Variants in VPS13B observed in about 807,000 individuals in gnomAD.
VPS13B encodes intermembrane lipid transfer protein VPS13B.
A neutral mutation model predicts 426.4 loss-of-function variants in VPS13B; 285 were observed. That is an observed-to-expected ratio of 0.67 (90% confidence interval 0.61 to 0.74). The LOEUF (loss-of-function observed/expected upper bound fraction) is 0.74. Ranked by LOEUF, VPS13B falls within the 30% of genes least tolerant of loss-of-function variation. The pLI is 0.00. For synonymous variants in VPS13B, 1,676 were observed against 1,676.4 expected (o/e 1.00, Z 0.01); for missense variants, 4,537 against 4,782.6 (o/e 0.95, Z 1.51).
chr8:99,457,177 G>A (rs776486252), intron 23 of VPS13B, among the ~76,000 whole-genome samples: 12 of 151,680 alleles, frequency 7.9e-5, no homozygotes, highest in Non-Finnish European at 1.5e-4. Flanking sequence ...GATCACAGGC[G>A]CCCACCAACA....
chr8:99,224,318 A>T (rs1176550162), intron 17 of VPS13B, among the ~76,000 whole-genome samples: 1 of 152,156 alleles, frequency 6.6e-6, no homozygotes, highest in Non-Finnish European at 1.5e-5. Flanking sequence ...TCATTATATG[A>T]ACCTTTTACT....
chr8:99,174,595 C>A (rs1812529375), intron 16 of VPS13B, among the ~76,000 whole-genome samples: 1 of 151,926 alleles, frequency 6.6e-6, no homozygotes, highest in South Asian at 2.1e-4. Context: ...CTATTCAAGT[C>A]CTTTGCTCAT....
At chr8:99,801,190 C>A (rs958898420) in intron 43 of VPS13B, among the ~76,000 whole-genome samples, 1 of 152,128 alleles carries the variant, frequency 6.6e-6, no homozygotes, top group Non-Finnish European at 1.5e-5. Flanking sequence ...TCCTATATCT[C>A]TCTCCCACCC....
intron 54 of VPS13B, among the ~76,000 whole-genome samples, chr8:99,836,139 T>C (rs1815379773): frequency 6.6e-6 from 1 of 152,156 alleles, no homozygotes. Flanking sequence ...ATTTTAAAAT[T>C]AGTAAAACCC....
At chr8:99,862,575 G>A (rs1816893908) in intron 58 of VPS13B, among the ~76,000 whole-genome samples, 1 of 152,174 alleles carries the variant, frequency 6.6e-6, no homozygotes, top group African/African-American at 2.4e-5. Flanking sequence ...AAGTTTGCAG[G>A]GCAGGATTTT....
rs1029094184 is a variant in VPS13B, at chr8:99,380,691, C to G, written c.2825-3517C>G. Among the ~76,000 whole-genome samples, 6 of 149,834 alleles carry G rather than the reference C, an allele frequency of 4.0e-5. No individual in the cohort carries two copies. In the East Asian group the frequency reaches 8.0e-4, roughly 20 times the overall value. ...TTTCTCTTACTTTTTCTCCTTCATC[C>G]TTTTATCTGTCTTTTTATATATCAG... On this transcript the variant is annotated intron_variant, in intron 19 of 61. Transcript: ENST00000357162.
chr8:99,757,418 A>C (rs780757352), intron 39 of VPS13B, among the ~76,000 whole-genome samples: 7 of 151,534 alleles, frequency 4.6e-5, no homozygotes, highest in Non-Finnish European at 1.0e-4. Flanking sequence ...CTACCTACCA[A>C]CTCTTTATTA....
At chr8:99,175,316 G>A (rs1244672884) in intron 16 of VPS13B, among the ~76,000 whole-genome samples, 1 of 152,066 alleles carries the variant, frequency 6.6e-6, no homozygotes, top group Non-Finnish European at 1.5e-5. Context: ...AACTATATTG[G>A]AAAATTTTTT....
chr8:99,709,248 A>G (rs1319056221), intron 36 of VPS13B, among the ~76,000 whole-genome samples: 2 of 152,178 alleles, frequency 1.3e-5, no homozygotes, highest in Admixed American at 6.5e-5. Flanking sequence ...TAGCAATGTC[A>G]TCATTGACTA....
At chr8:99,085,507 C>T (rs1230389384) in intron 3 of VPS13B, among the ~76,000 whole-genome samples, 1 of 152,050 alleles carries the variant, frequency 6.6e-6, no homozygotes, top group Non-Finnish European at 1.5e-5. Context: ...ATGATGTTAG[C>T]TGATTATTTT....
At chr8:99,604,289 T>C (rs1827463887) in intron 33 of VPS13B, among the ~76,000 whole-genome samples, 1 of 152,178 alleles carries the variant, frequency 6.6e-6, no homozygotes, top group African/African-American at 2.4e-5. Context: ...TACAATAATA[T>C]GGTACATTTT....
chr8:99,689,944 G>C (rs1181705974), intron 35 of VPS13B, among the ~76,000 whole-genome samples: 1 of 152,154 alleles, frequency 6.6e-6, no homozygotes, highest in East Asian at 1.9e-4. Context: ...CCAAGAAAAA[G>C]ACAGTTTCAG....
At chr8:99,285,542 A>G (rs550190935) in intron 19 of VPS13B, among the ~76,000 whole-genome samples, 20 of 152,164 alleles carry the variant, frequency 1.3e-4, no homozygotes, top group Non-Finnish European at 2.5e-4. Context: ...TAATTTGTTT[A>G]AAGTATGTTT....
intron 19 of VPS13B, among the ~76,000 whole-genome samples, chr8:99,312,761 GT>G (rs1379057088): frequency 1.3e-5 from 2 of 152,158 alleles, no homozygotes; most frequent in African/African-American, 2.4e-5. Context: ...CTTGCAGATT[GT>G]TTTCTGACTT....
At chr8:99,519,032 G>T (rs184832807) in intron 29 of VPS13B, among the ~76,000 whole-genome samples, 2 of 152,096 alleles carry the variant, frequency 1.3e-5, no homozygotes, top group African/African-American at 4.8e-5. Flanking sequence ...TTTAAACAGG[G>T]TTTATACAGC....
rs779751988 is a variant in VPS13B at position 99,868,313 on chromosome 8, A to G, written c.11240A>G (p.Gln3747Arg). The change falls in exon 59 of 62, where the codon CAG becomes CGG. Residue 3747 changes from glutamine to arginine, a missense_variant. Coordinates refer to ENST00000357162, the MANE Select transcript of VPS13B (RefSeq NM_152564.5). Reference protein sequence around the residue: ...LLGAIAGIVDQPMQNFQKTSE... With the variant: ...LLGAIAGIVDRPMQNFQKTSE... The stretch of plus-strand genomic sequence containing the variant: ...GGTGCAATTGCTGGTATAGTTGATC[A>G]GCCGATGCAGAACTTCCAGAAAACA... 6.8e-6 allele frequency: 11 copies of G among 1,614,100 alleles called. No individual in the cohort carries two copies. The African/African-American group carries it at 1.5e-4, about 22-fold the overall frequency.
intron 16 of VPS13B, among the ~76,000 whole-genome samples, chr8:99,184,617 A>G (rs1813116975): frequency 6.6e-6 from 1 of 152,232 alleles, no homozygotes; most frequent in Non-Finnish European, 1.5e-5. Context: ...GAAAAATGTT[A>G]ACATATTTTT....
At chr8:99,691,985 G>A (rs62534604) in intron 35 of VPS13B, among the ~76,000 whole-genome samples, 5 of 152,058 alleles carry the variant, frequency 3.3e-5, no homozygotes, top group African/African-American at 7.2e-5. Flanking sequence ...TTCAACAAGA[G>A]GAGCTAACTA....
chr8:99,053,648 G>A (rs987285580), intron 3 of VPS13B, among the ~76,000 whole-genome samples: 4 of 149,726 alleles, frequency 2.7e-5, no homozygotes, highest in African/African-American at 7.3e-5. Context: ...CCATGTTGTG[G>A]CATATGACAA....
Sources: gnomAD v4.1 joint callset for allele counts (sites outside exome capture counted in the v4.1 genomes callset) on GRCh38, gnomAD v4.1.1 for gene constraint, MANE v1.5 for transcripts, NCBI Gene and HGNC (gene_info 2026-07-23, HGNC 2026-07-21) for gene names.